Variants in DLGAP2 observed in about 807,000 individuals in gnomAD.
The protein encoded by DLGAP2 is disks large-associated protein 2.
In DLGAP2, 26 loss-of-function variants were observed where a neutral mutation model predicts 100.3. The observed-to-expected ratio is 0.26, with a 90% confidence interval of 0.19 to 0.36. The LOEUF (loss-of-function observed/expected upper bound fraction) is 0.36, where lower values mean the gene tolerates loss of function less well. DLGAP2 is among the 10% of genes least tolerant of loss of function. The probability of loss-of-function intolerance (pLI) is 1.00; values close to 1 mark genes in which losing one functional copy is unlikely to be tolerated. For synonymous variants in DLGAP2, 886 were observed against 630.1 expected (o/e 1.41, Z -6.08); for missense variants, 1,858 against 1,453.2 (o/e 1.28, Z -4.53).
Position 1,678,377 on chromosome 8 carries a change from G to A in DLGAP2, c.2452G>A (p.Val818Met), listed in dbSNP as rs371827236. Residue 818 changes from valine (V) to methionine (M), a missense_variant, in exon 12 of 15, where the codon GTG becomes ATG. Coordinates refer to ENST00000637795, the MANE Select transcript of DLGAP2 (RefSeq NM_001346810.2). ...EPSTPTQYSA[V>M]RTVRTQGLFS... ...CAGCACCCCCACCCAGTACAGCGCGGTGAGAACTGTACGGACCCAGGGGCT... is the reference window on the plus strand; with the variant it reads ...CAGCACCCCCACCCAGTACAGCGCGATGAGAACTGTACGGACCCAGGGGCT... The A allele has an allele frequency of 6.2e-7, 1 of 1,613,892 alleles. No homozygotes were observed. Among genetic ancestry groups the A allele is most frequent in the Non-Finnish European group, 8.5e-7 (1 of 1,179,904 alleles).
At chr8:1,242,383 A>G (rs1026040265) in intron 2 of DLGAP2, among the ~76,000 whole-genome samples, 4 of 152,222 alleles carry the variant, frequency 2.6e-5, no homozygotes, top group Non-Finnish European at 4.4e-5. Flanking sequence ...TGGAATGGGC[A>G]AGGCCCCACA....
chr8:1,549,541 C>T lies in DLGAP2; in HGVS notation c.1088C>T (p.Ala363Val), dbSNP rs552349300. The change falls in exon 5 of 15, where the codon GCC becomes GTC. Residue 363 changes from alanine to valine, a missense_variant. Ala to Val is a moderately conservative substitution (Grantham distance 64). Coordinates refer to ENST00000637795, the MANE Select transcript of DLGAP2 (RefSeq NM_001346810.2). ...GAGGGGTTGGCGCTGACGCCCGACG[C>T]CAAGTACCTGAAGCGCAGCTCCTGG... ...ACEGLALTPD[A>V]KYLKRSSWST... 1 of 1,613,328 alleles carries T rather than the reference C, an allele frequency of 6.2e-7. No homozygotes were observed. The highest frequency in any genetic ancestry group is 2.2e-5 in the East Asian group (1 of 44,850).
rs924972800 is a variant in DLGAP2 at position 1,221,735 on chromosome 8, C to T, written c.74-37116C>T. On this transcript the variant is annotated intron_variant, in intron 2 of 14. Coordinates refer to ENST00000637795, the MANE Select transcript of DLGAP2 (RefSeq NM_001346810.2). ...ACTCCACCTCTTTCAGCAATGTTAG[C>T]GAGTCATAGGTTTGCTCTCTTTACA... Among the ~76,000 whole-genome samples the T allele has an allele frequency of 5.9e-5, 9 of 152,276 alleles. 1 individual carries two copies. The highest frequency in any genetic ancestry group is 3.3e-4 in the Admixed American group (5 of 15,302).
intron 2 of DLGAP2, among the ~76,000 whole-genome samples, chr8:1,061,521 C>T (rs1344422748): frequency 1.3e-5 from 2 of 152,134 alleles, no homozygotes; most frequent in Non-Finnish European, 2.9e-5. Flanking sequence ...GCATCCCCCC[C>T]TCCAGCCATG....
At position 1,364,217 on chromosome 8, in the gene DLGAP2, G is replaced by A. The variant is rs151104768; in HGVS notation, c.106+105334G>A. Among the ~76,000 whole-genome samples the A allele has an allele frequency of 2.6e-3, 400 of 152,320 alleles. 7 individuals are homozygous for A. Among genetic ancestry groups the A allele is most frequent in the Admixed American group, 0.024 (366 of 15,302 alleles). ...GAGGGGAGGGGCGGACGGTGCCCCCGGGCTGGATCCCAGCTGTGGGTTTTG... is the reference window on the plus strand; with the variant it reads ...GAGGGGAGGGGCGGACGGTGCCCCCAGGCTGGATCCCAGCTGTGGGTTTTG... On this transcript the variant is annotated intron_variant, in intron 3 of 14. Transcript: ENST00000637795.
chr8:1,529,353 T>C (rs147176013), intron 4 of DLGAP2, among the ~76,000 whole-genome samples: 1 of 152,170 alleles, frequency 6.6e-6, no homozygotes, highest in African/African-American at 2.4e-5. Flanking sequence ...ATAGGGATTG[T>C]CATTGAAGAT....
At chr8:794,458 A>G (rs546879357) in intron 1 of DLGAP2, among the ~76,000 whole-genome samples, 2 of 152,214 alleles carry the variant, frequency 1.3e-5, no homozygotes, top group Non-Finnish European at 2.9e-5. Flanking sequence ...GTTTCTATAG[A>G]TATTAACTAA....
chr8:1,280,535 A>C (rs566871336), intron 3 of DLGAP2, among the ~76,000 whole-genome samples: 1 of 152,176 alleles, frequency 6.6e-6, no homozygotes, highest in East Asian at 1.9e-4. Context: ...AGGAGGAGGG[A>C]TTTCTTGTGG....
chr8:1,379,012 C>T (rs1455092380), intron 3 of DLGAP2, among the ~76,000 whole-genome samples: 1 of 152,234 alleles, frequency 6.6e-6, no homozygotes, highest in African/African-American at 2.4e-5. Context: ...TGACATTGGG[C>T]TATGGATAAA....
At chr8:1,390,244 C>A (rs1796318852) in intron 3 of DLGAP2, among the ~76,000 whole-genome samples, 1 of 152,162 alleles carries the variant, frequency 6.6e-6, no homozygotes, top group Non-Finnish European at 1.5e-5. Context: ...AGATGGGAGC[C>A]TCTCATCTGG....
intron 1 of DLGAP2, among the ~76,000 whole-genome samples, chr8:820,227 T>A (rs1796558724): frequency 6.6e-6 from 1 of 152,222 alleles, no homozygotes; most frequent in Admixed American, 6.5e-5. Flanking sequence ...AAATATGTAA[T>A]CATTAAAGAT....
At chr8:1,496,034 A>G (rs921319383) in intron 3 of DLGAP2, among the ~76,000 whole-genome samples, 7 of 152,186 alleles carry the variant, frequency 4.6e-5, no homozygotes, top group African/African-American at 1.7e-4. Flanking sequence ...TCGAGTGCCC[A>G]GAAACACAAG....
chr8:1,162,426 G>A (rs750558802), intron 2 of DLGAP2, among the ~76,000 whole-genome samples: 3 of 152,188 alleles, frequency 2.0e-5, no homozygotes, highest in Admixed American at 2.0e-4. Flanking sequence ...AAATGCATCA[G>A]TTAAAGCAGT....
intron 1 of DLGAP2, among the ~76,000 whole-genome samples, chr8:779,652 G>A (rs1051906244): frequency 2.6e-5 from 4 of 151,606 alleles, no homozygotes; most frequent in Admixed American, 2.6e-4. Flanking sequence ...TTCTGAGAAG[G>A]TGGTAGTGAC....
intron 3 of DLGAP2, among the ~76,000 whole-genome samples, chr8:1,440,874 A>G (rs148059408): frequency 6.6e-6 from 1 of 152,222 alleles, no homozygotes; most frequent in Non-Finnish European, 1.5e-5. Context: ...GTTTTAGGAC[A>G]TCCTAAACTG....
intron 4 of DLGAP2, among the ~76,000 whole-genome samples, chr8:1,510,526 G>A (rs971826155): frequency 1.3e-5 from 2 of 152,250 alleles, no homozygotes; most frequent in African/African-American, 4.8e-5. Context: ...ACGAAGGAGG[G>A]ACAAGGAAAG....
At chr8:1,268,316 A>T (rs1799509757) in intron 3 of DLGAP2, among the ~76,000 whole-genome samples, 1 of 152,190 alleles carries the variant, frequency 6.6e-6, no homozygotes, top group Admixed American at 6.5e-5. Context: ...AACATGCCTA[A>T]TTGTTGAATT....
chr8:1,277,354 T>C (rs578168082), intron 3 of DLGAP2, among the ~76,000 whole-genome samples: 1 of 152,160 alleles, frequency 6.6e-6, no homozygotes, highest in Non-Finnish European at 1.5e-5. Flanking sequence ...CAGCCTGTTT[T>C]TGGTAGGCTC....
At chr8:1,374,920 A>G (rs1332615048) in intron 3 of DLGAP2, among the ~76,000 whole-genome samples, 4 of 152,172 alleles carry the variant, frequency 2.6e-5, no homozygotes, top group Admixed American at 2.6e-4. Flanking sequence ...CCCAAGCCCA[A>G]TACGACAGCC....
Sources: gnomAD v4.1 joint callset for allele counts (sites outside exome capture counted in the v4.1 genomes callset) on GRCh38, gnomAD v4.1.1 for gene constraint, MANE v1.5 for transcripts, NCBI Gene and HGNC (gene_info 2026-07-23, HGNC 2026-07-21) for gene names.